DOK2: variants seen among roughly 807,000 people sequenced by gnomAD.
The protein encoded by DOK2 is docking protein 2.
A neutral mutation model predicts 26.0 loss-of-function variants in DOK2; 28 were observed. The observed-to-expected ratio is 1.08, with a 90% confidence interval of 0.80 to 1.48. DOK2 has a LOEUF of 1.48. Ranked by LOEUF, DOK2 falls within the 40% of genes most tolerant of loss-of-function variation. DOK2 has a pLI of 0.00. For missense variants in DOK2, 682 were observed against 558.2 expected, an observed-to-expected ratio of 1.22 and a Z score of -2.23; for synonymous variants, 282 against 236.9, an observed-to-expected ratio of 1.19 and a Z score of -1.75.
rs1237838411 is a variant in DOK2, at chr8:21,913,043, G to A, written c.63+496C>T. On this transcript the variant is annotated intron_variant, in intron 1 of 4. Transcript: ENST00000276420. ...TGCCCCCCAGTGTTGGTTAGGGGACGAGGACTTCCTGGTTCAAGGAGGCCA... is the reference window on the plus strand; with the variant it reads ...TGCCCCCCAGTGTTGGTTAGGGGACAAGGACTTCCTGGTTCAAGGAGGCCA... 3.9e-5 allele frequency among the ~76,000 whole-genome samples: 6 copies of A among 152,248 alleles called. No homozygotes were observed. The East Asian group carries it at 9.7e-4, about 25-fold the overall frequency.
chr8:21,910,617 C>G (rs1809801924), intron 4 of DOK2, 56 bp downstream of exon 4: 1 of 1,601,268 alleles, frequency 6.2e-7, no homozygotes, highest in African/African-American at 1.3e-5. Context: ...TCTCACCCCT[C>G]TTTGTTCGTA....
Position 21,909,732 on chromosome 8 carries a change from C to G in DOK2, c.818G>C (p.Arg273Pro). Residue 273 changes from arginine to proline, a missense_variant, in exon 5 of 5, where the codon CGG becomes CCG. Coordinates refer to ENST00000276420, the MANE Select transcript of DOK2 (RefSeq NM_003974.4). ...AGGCGGCGGCAGTGAGTCATGCGGC[C>G]GAGAGTAGGGGCTATCAGGCCGGGG... ...SLPRPDSPYS[R>P]PHDSLPPPSP... The G allele has an allele frequency of 6.2e-7, 1 of 1,613,598 alleles. No homozygotes were observed. The highest frequency in any genetic ancestry group is 8.5e-7 in the Non-Finnish European group (1 of 1,180,016).
intron 2 of DOK2, 99 bp from the exon 3 acceptor site, chr8:21,912,087 T>C: frequency 6.8e-7 from 1 of 1,480,388 alleles, no homozygotes; most frequent in South Asian, 1.3e-5. Flanking sequence ...TGGCTCTGTC[T>C]GCACACTGGG....
chr8:21,909,603 C>T lies in DOK2; in HGVS notation c.947G>A (p.Gly316Asp), dbSNP rs376746773. 3 of 1,613,920 alleles carry T rather than the reference C, an allele frequency of 1.9e-6. No homozygotes were observed. The highest frequency in any genetic ancestry group is 1.1e-5 in the South Asian group (1 of 91,088). The change falls in exon 5 of 5, where the codon GGC (glycine) becomes GAC (aspartate). Residue 316 changes from glycine (G) to aspartate (D), a missense_variant. Transcript: ENST00000276420. ...GAGCTGAGGAGGGACTGCCAAGATG[C>T]CCCTGAAGTTCTTCCCCAAGGAACG... ...VARSLGKNFR[G>D]ILAVPPQLLA... is the part of the protein sequence containing the mutation.
intron 1 of DOK2, among the ~76,000 whole-genome samples, chr8:21,912,718 GC>G (rs1335693837): frequency 3.3e-5 from 5 of 152,222 alleles, no homozygotes; most frequent in Non-Finnish European, 5.9e-5. Flanking sequence ...TCAGCCGCCA[GC>G]CCCGAGAAGG....
rs1809712831 is a variant in DOK2 at position 21,909,196 on chromosome 8, A to C, written c.*115T>G. On this transcript the variant is annotated 3_prime_UTR_variant, in exon 5 of 5. Transcript: ENST00000276420. Reference sequence around the variant, plus strand: ...AGAGGCAATTTATCAGCCCCAACGAAGACAGGCCAGGCCTCGGGCTCCAGA... The same window carrying C: ...AGAGGCAATTTATCAGCCCCAACGACGACAGGCCAGGCCTCGGGCTCCAGA... The C allele has an allele frequency of 3.0e-6, 4 of 1,317,550 alleles. No individual in the cohort carries two copies. In the South Asian group the frequency reaches 6.2e-5, roughly 20 times the overall value. 81.6% of individuals were successfully genotyped at this position (1,317,550 alleles called of 1,614,324 possible). A position where few individuals can be genotyped will look rare whatever the true frequency, so the allele number is the denominator to read the frequency against.
intron 2 of DOK2, 61 bp from the exon 3 acceptor site, chr8:21,912,049 G>C (rs1809872141): frequency 2.0e-6 from 3 of 1,516,968 alleles, no homozygotes; most frequent in Non-Finnish European, 2.6e-6. Flanking sequence ...CTCTGGCCCA[G>C]GCCTTCTTTC....
intron 2 of DOK2, 51 bp from the exon 3 acceptor site, chr8:21,912,039 C>G (rs1327943816): frequency 1.3e-6 from 2 of 1,527,678 alleles, no homozygotes; most frequent in Non-Finnish European, 1.8e-6. Context: ...CCAGGCCCCC[C>G]TCTGGCCCAG....
At chr8:21,913,448 AG>A in intron 1 of DOK2, 90 bp downstream of exon 1, 10 of 1,503,004 alleles carry the variant, frequency 6.7e-6, no homozygotes, top group Non-Finnish European at 9.2e-6. Flanking sequence ...CAGACCTATA[AG>A]GGTTTTGAAT....
Position 21,909,209 on chromosome 8 carries a change from C to G in DOK2, c.*102G>C. 7.1e-7 allele frequency: 1 copy of G among 1,411,698 alleles called. No individual in the cohort carries two copies. Among genetic ancestry groups the G allele is most frequent in the Non-Finnish European group, 9.5e-7 (1 of 1,047,950 alleles). The allele number at this position is 1,411,698 out of a possible 1,614,324, so 87.4% of individuals were successfully genotyped here. On this transcript the variant is annotated 3_prime_UTR_variant, in exon 5 of 5. Transcript: ENST00000276420. ...CAGCCCCAACGAAGACAGGCCAGGC[C>G]TCGGGCTCCAGAAGGGGCAGAGGAG...
At chr8:21,912,650 A>G in intron 1 of DOK2, 140 bp from the exon 2 acceptor site, 2 of 799,506 alleles carry the variant, frequency 2.5e-6, no homozygotes, top group Non-Finnish European at 3.8e-6. Context: ...TGAAGATCAC[A>G]TGAGACCCAG....
chr8:21,910,493 G>A (rs1401742028), intron 4 of DOK2, among the ~76,000 whole-genome samples, 180 bp downstream of exon 4: 1 of 151,982 alleles, frequency 6.6e-6, no homozygotes, highest in African/African-American at 2.4e-5. Context: ...CCCCTCTACG[G>A]TCTCTCCACC....
In DOK2 at chr8:21,913,587, T is replaced by G; in HGVS notation, c.15A>C (p.Ala5=). ...GAAGATACAAGAAGCCTTGTTTCAC[T>G]GCCCCGTCTCCCATCCTCTGACCAT... MGDG[A]VKQGFLYLQQ... Residue 5 remains alanine (A), a synonymous_variant, in exon 1 of 5, where the codon GCA becomes GCC. Coordinates refer to ENST00000276420, the MANE Select transcript of DOK2 (RefSeq NM_003974.4). 1 of 1,614,090 alleles carries G rather than the reference T, an allele frequency of 6.2e-7. No homozygotes were observed. Among genetic ancestry groups the G allele is most frequent in the Non-Finnish European group, 8.5e-7 (1 of 1,179,998 alleles).
intron 1 of DOK2, among the ~76,000 whole-genome samples, chr8:21,913,323 C>T (rs535707419): frequency 6.6e-6 from 1 of 152,330 alleles, no homozygotes; most frequent in South Asian, 2.1e-4. Flanking sequence ...GCAAACAGCC[C>T]TCAGTAAGGA....
At chr8:21,911,863 G>T (rs773950628) in intron 3 of DOK2, 38 bp downstream of exon 3, 1 of 1,530,222 alleles carries the variant, frequency 6.5e-7, no homozygotes, top group South Asian at 1.2e-5. Flanking sequence ...CCTGGGGAGA[G>T]CCCCCAGGGG....
intron 3 of DOK2, 61 bp from the exon 4 acceptor site, chr8:21,910,918 C>T: frequency 6.6e-7 from 1 of 1,508,362 alleles, no homozygotes; most frequent in Non-Finnish European, 8.9e-7. Flanking sequence ...GCCTGCCTCA[C>T]CACTGCCCAG....
Position 21,911,366 on chromosome 8 carries a change from G to A in DOK2, c.434-509C>T, listed in dbSNP as rs562571062. ...TCATGCCTGTAATCCCAACACTTTG[G>A]GAGGCTGAGGCAGGTGGATCACCTG... On this transcript the variant is annotated intron_variant, in intron 3 of 4. Coordinates refer to ENST00000276420, the MANE Select transcript of DOK2 (RefSeq NM_003974.4). Among the ~76,000 whole-genome samples, 3 of 152,314 alleles carry A rather than the reference G, an allele frequency of 2.0e-5. No individual in the cohort carries two copies. In the South Asian group the frequency reaches 6.2e-4, roughly 32 times the overall value.
In DOK2 at chr8:21,912,253, CT is replaced by C. The variant is rs1563299904; in HGVS notation, c.320del (p.Gln107ArgfsTer47). The C allele has an allele frequency of 1.3e-6, 2 of 1,571,870 alleles. No homozygotes were observed. On this transcript the variant is annotated frameshift_variant, in exon 2 of 5. Transcript: ENST00000276420. LOFTEE classifies it high-confidence loss of function. ...APAAERGDWV[Q>X]AICLLAFPGQ... ...CGGGGAAGGCCAGGAGGCAGATGGCCTGCACCCAGTCGCCGCGCTCCGCTGC... is the reference window on the plus strand; with the variant it reads ...CGGGGAAGGCCAGGAGGCAGATGGCCGCACCCAGTCGCCGCGCTCCGCTGC...
At chr8:21,912,104 TC>T (rs1271472413) in intron 2 of DOK2, 116 bp from the exon 3 acceptor site, 8 of 1,466,564 alleles carry the variant, frequency 5.5e-6, no homozygotes, top group Non-Finnish European at 7.2e-6. Context: ...TGGGTTCGGG[TC>T]CCCCCACATG....
Sources: allele counts gnomAD v4.1 joint callset (sites outside exome capture counted in the v4.1 genomes callset), GRCh38; gene constraint gnomAD v4.1.1; transcripts MANE v1.5; gene names NCBI Gene and HGNC (gene_info 2026-07-23, HGNC 2026-07-21).